ADGRL4: variants seen among roughly 807,000 people sequenced by gnomAD.
ADGRL4 encodes the protein EGF, latrophilin and seven transmembrane domain containing 1.
ADGRL4 carries 90 observed loss-of-function variants against 74.8 expected under a neutral mutation model. That is an observed-to-expected ratio of 1.20 (90% CI 1.02 to 1.43). The LOEUF is 1.43. ADGRL4 is among the 40% of genes most tolerant of loss of function. The probability of loss-of-function intolerance (pLI) is 0.00; values close to 1 mark genes in which losing one functional copy is unlikely to be tolerated. For missense variants in ADGRL4, 881 were observed against 814.3 expected (o/e 1.08, Z -1.00); for synonymous variants, 311 against 279.2 (o/e 1.11, Z -1.14).
intron 2 of ADGRL4, among the ~76,000 whole-genome samples, chr1:78,952,976 G>A (rs1303383604): frequency 6.6e-6 from 1 of 151,944 alleles, no homozygotes; most frequent in Admixed American, 6.6e-5. Context: ...ATTTTCTGAG[G>A]GAAATGCAGC....
At chr1:78,912,234 G>T (rs1359913107) in intron 12 of ADGRL4, among the ~76,000 whole-genome samples, 1 of 151,890 alleles carries the variant, frequency 6.6e-6, no homozygotes, top group East Asian at 1.9e-4. Context: ...TGATTGAGAT[G>T]TAAACTAAAA....
intron 9 of ADGRL4, among the ~76,000 whole-genome samples, chr1:78,921,118 T>C (rs1648989857): frequency 6.6e-6 from 1 of 151,716 alleles, no homozygotes; most frequent in Non-Finnish European, 1.5e-5. Flanking sequence ...GTAAGATAAA[T>C]GTCATGAAAC....
At chr1:78,945,579 C>T (rs915214608) in intron 3 of ADGRL4, among the ~76,000 whole-genome samples, 2 of 152,154 alleles carry the variant, frequency 1.3e-5, no homozygotes, top group East Asian at 1.9e-4. Context: ...ATCCAGTTCT[C>T]TAGGATCTGA....
At chr1:78,912,471 T>C (rs1013588838) in intron 12 of ADGRL4, among the ~76,000 whole-genome samples, 5 of 151,832 alleles carry the variant, frequency 3.3e-5, no homozygotes, top group African/African-American at 1.2e-4. Context: ...TAGCTTCTCA[T>C]AGGAGGGCAA....
At chr1:78,930,058 G>C (rs1363004882) in intron 7 of ADGRL4, among the ~76,000 whole-genome samples, 1 of 151,302 alleles carries the variant, frequency 6.6e-6, no homozygotes, top group East Asian at 1.9e-4. Flanking sequence ...AGTTATTTTT[G>C]CTTCATTTAT....
intron 2 of ADGRL4, among the ~76,000 whole-genome samples, chr1:78,998,450 A>T (rs561559590): frequency 2.1e-5 from 3 of 141,834 alleles, no homozygotes; most frequent in Non-Finnish European, 4.5e-5. Flanking sequence ...GCTCACTGCA[A>T]CCTCTGCCTC....
At chr1:78,906,506 T>C (rs746199027) in intron 12 of ADGRL4, among the ~76,000 whole-genome samples, 1 of 151,966 alleles carries the variant, frequency 6.6e-6, no homozygotes, top group Admixed American at 6.6e-5. Flanking sequence ...TTTTTAACTG[T>C]AGATGATTTT....
At chr1:78,982,110 T>C (rs1650407940) in intron 2 of ADGRL4, among the ~76,000 whole-genome samples, 1 of 151,918 alleles carries the variant, frequency 6.6e-6, no homozygotes, top group African/African-American at 2.4e-5. Flanking sequence ...TTTGCTGATT[T>C]GTTATAGAAT....
chr1:78,979,611 C>A (rs1489384), intron 2 of ADGRL4, among the ~76,000 whole-genome samples: 45,406 of 151,744 alleles, frequency 0.3, 7,242 homozygotes, highest in South Asian at 0.42. Context: ...ATGTTTATCA[C>A]AACACAATTT....
At chr1:78,982,314 G>T (rs1650411556) in intron 2 of ADGRL4, among the ~76,000 whole-genome samples, 1 of 151,850 alleles carries the variant, frequency 6.6e-6, no homozygotes, top group Non-Finnish European at 1.5e-5. Context: ...CACAGATGGG[G>T]AGAGCTGGAA....
chr1:78,953,802 C>T (rs139330402), intron 2 of ADGRL4, among the ~76,000 whole-genome samples: 1 of 152,116 alleles, frequency 6.6e-6, no homozygotes, highest in Admixed American at 6.6e-5. Context: ...ACACATAACA[C>T]AAGTGCTAAT....
intron 12 of ADGRL4, among the ~76,000 whole-genome samples, chr1:78,894,460 T>C (rs913158396): frequency 4.0e-5 from 6 of 151,874 alleles, no homozygotes; most frequent in Non-Finnish European, 8.8e-5. Flanking sequence ...AGATAAAGAA[T>C]ATTTAAATTG....
chr1:78,941,678 C>T (rs528363754), intron 3 of ADGRL4, among the ~76,000 whole-genome samples: 1 of 152,186 alleles, frequency 6.6e-6, no homozygotes, highest in African/African-American at 2.4e-5. Context: ...GCACTTTGAA[C>T]TTAAATGTCC....
At chr1:78,908,711 T>A (rs988237489) in intron 12 of ADGRL4, among the ~76,000 whole-genome samples, 5 of 152,012 alleles carry the variant, frequency 3.3e-5, no homozygotes, top group African/African-American at 1.2e-4. Context: ...TCCTTCAATG[T>A]AAAGCTACAT....
chr1:78,897,107 A>T (rs763896984), intron 12 of ADGRL4, among the ~76,000 whole-genome samples: 34 of 152,160 alleles, frequency 2.2e-4, no homozygotes, highest in Non-Finnish European at 4.9e-4. Flanking sequence ...GTAGAGAATG[A>T]TGAGTATTCT....
chr1:78,946,135 A>G (rs80233432), intron 3 of ADGRL4, 139 bp downstream of exon 3: 17,694 of 505,762 alleles, frequency 0.035, 358 homozygotes, highest in South Asian at 0.058. Context: ...AAATAAGGAC[A>G]TTAATTACAT....
intron 12 of ADGRL4, among the ~76,000 whole-genome samples, chr1:78,904,730 G>A (rs1648594564): frequency 6.6e-6 from 1 of 151,960 alleles, no homozygotes; most frequent in African/African-American, 2.4e-5. Flanking sequence ...ATACTTACAA[G>A]AAGATTAATA....
intron 2 of ADGRL4, among the ~76,000 whole-genome samples, chr1:78,956,200 A>G (rs1011575251): frequency 1.3e-5 from 2 of 152,160 alleles, no homozygotes; most frequent in Non-Finnish European, 2.9e-5. Context: ...TTTTAAATAT[A>G]AACTAGGATA....
intron 2 of ADGRL4, among the ~76,000 whole-genome samples, chr1:78,988,378 C>T (rs562186223): frequency 1.3e-5 from 2 of 151,884 alleles, no homozygotes; most frequent in African/African-American, 4.8e-5. Flanking sequence ...AAAAGGATTC[C>T]TTCACAGAAT....
Sources: gnomAD v4.1 joint callset for allele counts (sites outside exome capture counted in the v4.1 genomes callset) on GRCh38, gnomAD v4.1.1 for gene constraint, MANE v1.5 for transcripts, NCBI Gene and HGNC (gene_info 2026-07-23, HGNC 2026-07-21) for gene names.